Variants in ERC2 observed in about 807,000 individuals in gnomAD.
The protein encoded by ERC2 is ERC protein 2.
Under a neutral mutation model 114.8 loss-of-function variants are expected in ERC2, and 42 were observed. The observed-to-expected ratio is 0.37, with a 90% CI of 0.29 to 0.47. The LOEUF is 0.47. ERC2 is among the 20% of genes least tolerant of loss of function. The pLI is 0.99. For synonymous variants in ERC2, 454 were observed against 425.5 expected (o/e 1.07, Z -0.82); for missense variants, 939 against 1,150.7 (o/e 0.82, Z 2.66).
intron 14 of ERC2, among the ~76,000 whole-genome samples, chr3:55,839,592 C>A (rs1160825534): frequency 2.6e-5 from 4 of 151,668 alleles, no homozygotes; most frequent in African/African-American, 7.3e-5. Context: ...GATTCTTATG[C>A]TCTACATGAA....
At chr3:55,819,659 G>A (rs911189990) in intron 14 of ERC2, among the ~76,000 whole-genome samples, 3 of 152,206 alleles carry the variant, frequency 2.0e-5, no homozygotes, top group Non-Finnish European at 4.4e-5. Flanking sequence ...AGGCTCTGGA[G>A]CCCATTTTTG....
intron 12 of ERC2, among the ~76,000 whole-genome samples, chr3:55,960,895 G>T (rs939948501): frequency 1.3e-5 from 2 of 152,258 alleles, no homozygotes; most frequent in Admixed American, 1.3e-4. Context: ...AGCACTTTGG[G>T]AGGCCGAGGG....
chr3:55,576,956 G>GCTCT (rs2057016231), intron 17 of ERC2, among the ~76,000 whole-genome samples: 1 of 152,200 alleles, frequency 6.6e-6, no homozygotes, highest in Non-Finnish European at 1.5e-5. Context: ...GTCTTGCCGT[G>GCTCT]CTCTGTCTTA....
intron 3 of ERC2, among the ~76,000 whole-genome samples, chr3:56,188,707 T>C (rs1278941653): frequency 1.3e-5 from 2 of 152,216 alleles, no homozygotes; most frequent in Non-Finnish European, 2.9e-5. Flanking sequence ...GAAAGCACCA[T>C]GGGAACAAGC....
intron 3 of ERC2, among the ~76,000 whole-genome samples, chr3:56,210,948 G>T (rs2049021010): frequency 6.6e-6 from 1 of 152,156 alleles, no homozygotes; most frequent in Admixed American, 6.5e-5. Flanking sequence ...CTGAATAGGA[G>T]TGATATCACC....
At chr3:56,449,760 A>G (rs564276671) in intron 1 of ERC2, among the ~76,000 whole-genome samples, 2 of 152,230 alleles carry the variant, frequency 1.3e-5, no homozygotes, top group Non-Finnish European at 2.9e-5. Context: ...ATGAGATGAT[A>G]TAAGAAAGTA....
chr3:56,181,249 T>C (rs1013890535), intron 3 of ERC2, among the ~76,000 whole-genome samples: 1 of 152,246 alleles, frequency 6.6e-6, no homozygotes, highest in Non-Finnish European at 1.5e-5. Context: ...TTCTAAAACA[T>C]ACTGTTATTT....
intron 17 of ERC2, among the ~76,000 whole-genome samples, chr3:55,520,270 T>C (rs2052824190): frequency 6.7e-6 from 1 of 150,036 alleles, no homozygotes; most frequent in African/African-American, 2.5e-5. Flanking sequence ...ACCCTGTCTC[T>C]ACTAAAAATA....
chr3:55,699,650 T>G (rs2148824312), intron 15 of ERC2, 138 bp from the exon 16 acceptor site: 1 of 962,868 alleles, frequency 1.0e-6, no homozygotes, highest in African/African-American at 1.6e-5. Context: ...AAGTTGAAAC[T>G]TAATAAAGAA....
chr3:55,664,722 T>C (rs932464421), intron 17 of ERC2, among the ~76,000 whole-genome samples: 1 of 152,176 alleles, frequency 6.6e-6, no homozygotes, highest in African/African-American at 2.4e-5. Flanking sequence ...GGCCCAGAGC[T>C]TCAGGCGAGG....
At position 56,091,947 on chromosome 3, in the gene ERC2, T is replaced by G. The variant is rs111258106; in HGVS notation, c.1474-10963A>C. On this transcript the variant is annotated intron_variant, in intron 6 of 17. Transcript: ENST00000288221. ...CTGACTTCATTTAGCAGTCAAAAAT[T>G]TACACACTTGACAAGAGAAAAAAAA... Among the ~76,000 whole-genome samples, 983 of 149,894 alleles carry G rather than the reference T, an allele frequency of 6.6e-3. 4 individuals carry two copies. Among genetic ancestry groups the G allele is most frequent in the Non-Finnish European group, 0.011 (717 of 67,796 alleles).
At chr3:56,295,980 T>C (rs1380725004) in intron 3 of ERC2, 39 bp downstream of exon 3, 5 of 1,514,268 alleles carry the variant, frequency 3.3e-6, no homozygotes, top group Non-Finnish European at 4.4e-6. Context: ...TTTTCACTTA[T>C]AAATTAAGGC....
intron 4 of ERC2, among the ~76,000 whole-genome samples, chr3:56,152,199 C>T (rs2081448651): frequency 2.6e-5 from 4 of 152,020 alleles, no homozygotes; most frequent in Admixed American, 2.6e-4. Context: ...TTTCAATGCG[C>T]ATTAACATAA....
At chr3:55,784,558 C>T (rs1455833273) in intron 14 of ERC2, among the ~76,000 whole-genome samples, 1 of 152,180 alleles carries the variant, frequency 6.6e-6, no homozygotes, top group East Asian at 1.9e-4. Flanking sequence ...ACAGCCTCAA[C>T]ATGGTTTGGC....
At chr3:55,810,465 C>CTTTTTTTTTTTTTT (rs11318195) in intron 14 of ERC2, among the ~76,000 whole-genome samples, 5 of 146,416 alleles carry the variant, frequency 3.4e-5, no homozygotes, top group Non-Finnish European at 6.0e-5. Context: ...CTCTCTCCCT[C>CTTTTTTTTTTTTTT]TTTTTTTTTT....
intron 1 of ERC2, among the ~76,000 whole-genome samples, chr3:56,461,738 C>G: frequency 6.6e-6 from 1 of 152,164 alleles, no homozygotes; most frequent in East Asian, 1.9e-4. Flanking sequence ...GTGGCCTCAA[C>G]ATAAAGACAC....
At position 55,837,272 on chromosome 3, in the gene ERC2, A is replaced by T. The variant is rs149492810; in HGVS notation, c.2564+51117T>A. Among the ~76,000 whole-genome samples, 637 of 152,344 alleles carry T rather than the reference A, an allele frequency of 4.2e-3. 9 individuals are homozygous for T. The highest frequency in any genetic ancestry group is 0.015 in the African/African-American group (604 of 41,580). ...TTACTGGGTATATACCCAAAGGATTATAAATCATGCCACTATAAAGACACG... is the reference window on the plus strand; with the variant it reads ...TTACTGGGTATATACCCAAAGGATTTTAAATCATGCCACTATAAAGACACG... On this transcript the variant is annotated intron_variant, in intron 14 of 17. Transcript: ENST00000288221.
At chr3:56,420,305 C>G (rs866078286) in intron 2 of ERC2, among the ~76,000 whole-genome samples, 1 of 150,924 alleles carries the variant, frequency 6.6e-6, no homozygotes, top group Non-Finnish European at 1.5e-5. Context: ...CCACCTCAGC[C>G]TCACAAGTAG....
At chr3:55,817,810 T>C (rs1379681805) in intron 14 of ERC2, among the ~76,000 whole-genome samples, 1 of 152,182 alleles carries the variant, frequency 6.6e-6, no homozygotes, top group African/African-American at 2.4e-5. Context: ...CTGAACAATA[T>C]CTGGAACACA....
Sources: allele counts gnomAD v4.1 joint callset (sites outside exome capture counted in the v4.1 genomes callset), GRCh38; gene constraint gnomAD v4.1.1; transcripts MANE v1.5; gene names NCBI Gene and HGNC (gene_info 2026-07-23, HGNC 2026-07-21).